SLIT3: variants seen among roughly 807,000 people sequenced by gnomAD.
SLIT3 encodes the protein slit guidance ligand 3, also known as slit homolog 3 protein.
Under a neutral mutation model 184.0 loss-of-function variants are expected in SLIT3, and 68 were observed. The observed-to-expected ratio is 0.37, with a 90% CI of 0.30 to 0.45. The LOEUF (loss-of-function observed/expected upper bound fraction) is 0.45, where lower values mean the gene tolerates loss of function less well. Ranked by LOEUF, SLIT3 falls within the 20% of genes least tolerant of loss-of-function variation. The pLI is 1.00. For missense variants in SLIT3, 1,707 were observed against 2,026.0 expected (o/e 0.84, Z 3.02); for synonymous variants, 831 against 828.6 (o/e 1.00, Z -0.05).
intron 4 of SLIT3, among the ~76,000 whole-genome samples, chr5:169,019,443 C>T (rs1435451376): frequency 6.6e-6 from 1 of 152,250 alleles, no homozygotes. Context: ...TGTATGATCA[C>T]TCACATTCCC....
chr5:168,816,266 A>G (rs951972470), intron 8 of SLIT3, among the ~76,000 whole-genome samples: 3 of 152,144 alleles, frequency 2.0e-5, no homozygotes, highest in African/African-American at 7.2e-5. Flanking sequence ...GGCTCACTAC[A>G]GTCTCCACCT....
At chr5:169,134,607 G>A (rs560883954) in intron 4 of SLIT3, among the ~76,000 whole-genome samples, 2 of 152,206 alleles carry the variant, frequency 1.3e-5, no homozygotes, top group South Asian at 4.1e-4. Flanking sequence ...TCGGAGGGCT[G>A]GGGGCTGGGG....
intron 4 of SLIT3, among the ~76,000 whole-genome samples, chr5:169,068,799 A>G (rs1354885243): frequency 2.0e-5 from 3 of 151,702 alleles, no homozygotes; most frequent in Admixed American, 6.6e-5. Context: ...TATCATACTC[A>G]TTACGGGAAA....
intron 32 of SLIT3, among the ~76,000 whole-genome samples, chr5:168,683,366 T>A: frequency 1.7e-5 from 2 of 116,150 alleles, no homozygotes; most frequent in Admixed American, 9.4e-5. Context: ...CAAAACTCCA[T>A]CTCAAAAAAA....
intron 4 of SLIT3, among the ~76,000 whole-genome samples, chr5:169,044,653 T>C (rs569311389): frequency 7.2e-5 from 11 of 152,144 alleles, no homozygotes; most frequent in Non-Finnish European, 1.3e-4. Flanking sequence ...TGGGATGCTC[T>C]GGAATTAGAC....
chr5:169,090,597 C>T (rs930740354), intron 4 of SLIT3, among the ~76,000 whole-genome samples: 2 of 152,220 alleles, frequency 1.3e-5, no homozygotes, highest in Non-Finnish European at 2.9e-5. Flanking sequence ...ATCCCTCAAC[C>T]CTCTGAATAT....
At chr5:169,121,645 A>G (rs1760876387) in intron 4 of SLIT3, among the ~76,000 whole-genome samples, 2 of 152,244 alleles carry the variant, frequency 1.3e-5, no homozygotes, top group Non-Finnish European at 2.9e-5. Context: ...AAAAAATGCC[A>G]TTATCATAAA....
chr5:168,857,821 G>C (rs140343061), intron 5 of SLIT3, among the ~76,000 whole-genome samples: 4 of 152,262 alleles, frequency 2.6e-5, no homozygotes, highest in Non-Finnish European at 4.4e-5. Context: ...CTACCAAAGC[G>C]CTCCACGGAA....
At chr5:168,785,814 T>C in intron 12 of SLIT3, 93 bp downstream of exon 12, 1 of 885,636 alleles carries the variant, frequency 1.1e-6, no homozygotes, top group Non-Finnish European at 1.8e-6. Flanking sequence ...CTGCAGAAAG[T>C]CAAAAGAACT....
intron 4 of SLIT3, among the ~76,000 whole-genome samples, chr5:168,891,405 C>T (rs918732243): frequency 5.3e-5 from 8 of 152,152 alleles, no homozygotes; most frequent in East Asian, 3.9e-4. Flanking sequence ...GAGCCAGAGA[C>T]GTGGCAGAAG....
At chr5:168,893,159 T>G (rs1382630521) in intron 4 of SLIT3, among the ~76,000 whole-genome samples, 8 of 152,232 alleles carry the variant, frequency 5.3e-5, no homozygotes, top group African/African-American at 1.9e-4. Context: ...CTGCCAATTT[T>G]GGACCCAATG....
intron 4 of SLIT3, among the ~76,000 whole-genome samples, chr5:169,142,611 TG>T (rs535597309): frequency 2.0e-5 from 3 of 152,208 alleles, no homozygotes; most frequent in Non-Finnish European, 4.4e-5. Context: ...CTTGCATGGC[TG>T]GCCAAGCTGG....
chr5:168,745,895 T>C (rs969258222), intron 20 of SLIT3, among the ~76,000 whole-genome samples: 2 of 152,108 alleles, frequency 1.3e-5, no homozygotes, highest in Non-Finnish European at 2.9e-5. Flanking sequence ...ATAGCAGCCA[T>C]CAACATCAAG....
chr5:168,672,395 TA>T (rs1003015635), intron 33 of SLIT3, among the ~76,000 whole-genome samples: 5 of 152,248 alleles, frequency 3.3e-5, no homozygotes, highest in African/African-American at 9.6e-5. Context: ...TAGCTTTTTT[TA>T]CACTTAACCC....
intron 4 of SLIT3, among the ~76,000 whole-genome samples, chr5:169,052,812 G>A (rs1757861709): frequency 6.6e-6 from 1 of 152,162 alleles, no homozygotes; most frequent in Admixed American, 6.5e-5. Context: ...CTGAAATACT[G>A]CATCATCACC....
At chr5:168,681,921 C>T (rs931787635) in intron 32 of SLIT3, among the ~76,000 whole-genome samples, 4 of 152,228 alleles carry the variant, frequency 2.6e-5, no homozygotes, top group Non-Finnish European at 5.9e-5. Context: ...CTAAGAGGTA[C>T]ATCCTGCTAT....
intron 3 of SLIT3, among the ~76,000 whole-genome samples, chr5:169,199,229 C>T (rs1009650430): frequency 5.4e-5 from 8 of 146,978 alleles, no homozygotes; most frequent in African/African-American, 1.6e-4. Flanking sequence ...ACAGGATGTA[C>T]GTGAGGATTG....
At chr5:168,711,109 CCTT>C in intron 24 of SLIT3, 51 bp from the exon 25 acceptor site, 1 of 1,439,418 alleles carries the variant, frequency 6.9e-7, no homozygotes, top group Non-Finnish European at 9.3e-7. Flanking sequence ...TGGCCAGTAG[CCTT>C]CATATCCTTG....
At chr5:169,049,710 C>T (rs980834140) in intron 4 of SLIT3, among the ~76,000 whole-genome samples, 4 of 152,182 alleles carry the variant, frequency 2.6e-5, no homozygotes, top group Admixed American at 6.5e-5. Flanking sequence ...GGACAAGTGA[C>T]ATTAAGATAC....
Sources: allele counts gnomAD v4.1 joint callset (sites outside exome capture counted in the v4.1 genomes callset), GRCh38; gene constraint gnomAD v4.1.1; transcripts MANE v1.5; gene names NCBI Gene and HGNC (gene_info 2026-07-23, HGNC 2026-07-21).